DNAH7: variants seen among roughly 807,000 people sequenced by gnomAD.
The protein encoded by DNAH7 is dynein axonemal heavy chain 7, also known as axonemal beta dynein heavy chain 7.
In DNAH7, 397 loss-of-function variants were observed where a neutral mutation model predicts 444.6. The ratio of observed to expected loss-of-function variants is 0.89; its 90% CI spans 0.82 to 0.97. The LOEUF (loss-of-function observed/expected upper bound fraction) is 0.97. Ranked by LOEUF, DNAH7 falls within the 50% of genes least tolerant of loss-of-function variation. DNAH7 has a pLI of 0.00. For synonymous variants in DNAH7, 1,636 were observed against 1,624.4 expected (o/e 1.01, Z -0.17); for missense variants, 4,902 against 4,800.8 (o/e 1.02, Z -0.62).
Position 196,051,200 on chromosome 2 carries a change from G to A in DNAH7, c.128C>T (p.Pro43Leu), listed in dbSNP as rs756392190. ...TGGATAAGTTACCATAGACAGCTGT[G>A]GTAAAGCTCTTGCTGGTGCCTTGAA... ...EKFKAPARAL[P>L]QLSMVSTKPH... Residue 43 changes from proline (P) to leucine (L), a missense_variant, in exon 3 of 65, where the codon CCA becomes CTA. Transcript: ENST00000312428. 3 of 1,613,584 alleles carry A rather than the reference G, an allele frequency of 1.9e-6. No homozygotes were observed. Among genetic ancestry groups the A allele is most frequent in the East Asian group, 2.2e-5 (1 of 44,814 alleles).
intron 19 of DNAH7, among the ~76,000 whole-genome samples, chr2:195,956,478 C>T (rs1387537785): frequency 6.6e-6 from 1 of 151,954 alleles, no homozygotes; most frequent in Non-Finnish European, 1.5e-5. Context: ...TGGTGAAACC[C>T]CATGTCTACT....
chr2:195,810,017 C>T (rs1696890624), intron 51 of DNAH7, 146 bp from the exon 52 acceptor site: 2 of 511,324 alleles, frequency 3.9e-6, no homozygotes, highest in South Asian at 5.9e-5. Context: ...TTGGGTGTAC[C>T]AATTTGAGAG....
intron 51 of DNAH7, among the ~76,000 whole-genome samples, chr2:195,810,916 A>C (rs184086977): frequency 6.6e-6 from 1 of 152,340 alleles, no homozygotes; most frequent in Non-Finnish European, 1.5e-5. Flanking sequence ...CCATACAATT[A>C]ATACAGGGTG....
chr2:195,761,998 T>G (rs1694370875), intron 61 of DNAH7, among the ~76,000 whole-genome samples: 1 of 151,968 alleles, frequency 6.6e-6, no homozygotes, highest in Non-Finnish European at 1.5e-5. Flanking sequence ...GACTAAAAGA[T>G]GAACAAATAA....
chr2:195,917,910 C>G (rs1007558172), intron 24 of DNAH7, among the ~76,000 whole-genome samples: 29 of 152,122 alleles, frequency 1.9e-4, no homozygotes, highest in African/African-American at 7.0e-4. Flanking sequence ...GTCAAGTGAT[C>G]CTCCTCCCTT....
rs539613599 is a variant in DNAH7, at chr2:195,793,035, T to C, written c.10716+1303A>G. 1.0e-3 allele frequency among the ~76,000 whole-genome samples: 158 copies of C among 152,264 alleles called. 4 individuals carry two copies. Among genetic ancestry groups the C allele is most frequent in the Non-Finnish European group, 1.9e-3 (132 of 68,016 alleles). ...GCCTTAAACTCCTGGGCTCCAGCGA[T>C]CCTCCCTCCTCAGCCTCTCGAGTAG... On this transcript the variant is annotated intron_variant, in intron 57 of 64. Transcript: ENST00000312428.
In DNAH7 at chr2:195,957,233, TGAC is replaced by T. The variant is rs757159438; in HGVS notation, c.3078+25_3078+27del. On this transcript the variant is annotated intron_variant, in intron 19 of 64. Transcript: ENST00000312428. The stretch of plus-strand genomic sequence containing the variant: ...AAATCATGTCACTTCAACCAAATAA[TGAC>T]ATTTTTGGAGATTTTTTCACCTACC... The T allele has an allele frequency of 1.6e-5, 23 of 1,441,892 alleles. No individual in the cohort carries two copies. In the Middle Eastern group the frequency reaches 9.9e-4, roughly 62 times the overall value. 89.3% of individuals were successfully genotyped at this position (1,441,892 alleles called of 1,614,324 possible).
chr2:195,897,039 G>T (rs185534318), intron 29 of DNAH7, among the ~76,000 whole-genome samples: 1 of 152,090 alleles, frequency 6.6e-6, no homozygotes, highest in African/African-American at 2.4e-5. Context: ...CCAAAACAGC[G>T]TAAGTTAGTC....
chr2:195,987,812 G>A (rs1693023117), intron 13 of DNAH7, 145 bp downstream of exon 13: 1 of 815,980 alleles, frequency 1.2e-6, no homozygotes, highest in African/African-American at 1.7e-5. Context: ...TTACCACAAT[G>A]CTAGGGACAC....
intron 57 of DNAH7, among the ~76,000 whole-genome samples, chr2:195,787,838 T>C (rs937299558): frequency 1.1e-4 from 17 of 152,016 alleles, no homozygotes; most frequent in African/African-American, 3.9e-4. Flanking sequence ...CCTCCAACAG[T>C]GGGCCCATCC....
chr2:195,915,924 T>C (rs1193933569), intron 24 of DNAH7, among the ~76,000 whole-genome samples: 2 of 152,222 alleles, frequency 1.3e-5, no homozygotes, highest in East Asian at 3.8e-4. Context: ...ACTTATAAAC[T>C]AATAGTTTAT....
chr2:196,007,605 G>T (rs922913150), intron 10 of DNAH7, among the ~76,000 whole-genome samples: 1 of 152,174 alleles, frequency 6.6e-6, no homozygotes, highest in Non-Finnish European at 1.5e-5. Context: ...TGTCAAAGCT[G>T]AGACCAGTGG....
intron 5 of DNAH7, among the ~76,000 whole-genome samples, chr2:196,046,852 GCA>G (rs911975535): frequency 5.6e-4 from 85 of 152,284 alleles, no homozygotes; most frequent in African/African-American, 2.0e-3. Context: ...TAAGCAACTA[GCA>G]CAAAGCGGTG....
chr2:195,815,280 C>G (rs530055116), intron 51 of DNAH7, among the ~76,000 whole-genome samples: 1 of 152,066 alleles, frequency 6.6e-6, no homozygotes, highest in African/African-American at 2.4e-5. Flanking sequence ...TCTATCATTA[C>G]GCAATGCATT....
intron 21 of DNAH7, among the ~76,000 whole-genome samples, chr2:195,930,648 C>T (rs1165762708): frequency 2.0e-5 from 3 of 152,084 alleles, no homozygotes; most frequent in Non-Finnish European, 2.9e-5. Context: ...ACAGAACTAC[C>T]GTTCAACCCA....
At chr2:195,876,778 T>C (rs1198293968) in intron 36 of DNAH7, 79 bp from the exon 37 acceptor site, 19 of 972,152 alleles carry the variant, frequency 2.0e-5, no homozygotes, top group South Asian at 9.6e-5. Context: ...GCATCATTAC[T>C]GATAGACTCG....
chr2:195,940,899 T>C (rs752394420), intron 19 of DNAH7, among the ~76,000 whole-genome samples: 22 of 152,100 alleles, frequency 1.4e-4, no homozygotes, highest in Middle Eastern at 3.2e-3. Context: ...TGTGGAGAAA[T>C]AGGAACGCTT....
chr2:195,882,083 A>G, intron 35 of DNAH7, 91 bp from the exon 36 acceptor site: 1 of 1,011,648 alleles, frequency 9.9e-7, no homozygotes, highest in Non-Finnish European at 1.5e-6. Context: ...ACTAAGACCA[A>G]CAAACCCTGA....
At chr2:195,804,985 C>T (rs1227043985) in intron 54 of DNAH7, among the ~76,000 whole-genome samples, 1 of 152,020 alleles carries the variant, frequency 6.6e-6, no homozygotes, top group East Asian at 1.9e-4. Flanking sequence ...GATTTAAAAA[C>T]AAACAAAAAA....
Sources: allele counts gnomAD v4.1 joint callset (sites outside exome capture counted in the v4.1 genomes callset), GRCh38; gene constraint gnomAD v4.1.1; transcripts MANE v1.5; gene names NCBI Gene and HGNC (gene_info 2026-07-23, HGNC 2026-07-21).